Variants in MYH13 observed in about 807,000 individuals in gnomAD.
The protein encoded by MYH13 is myosin heavy chain 13, also known as myosin-13.
MYH13 carries 177 observed loss-of-function variants against 232.1 expected under a neutral mutation model. The observed-to-expected ratio is 0.76, with a 90% CI of 0.67 to 0.86. The LOEUF (loss-of-function observed/expected upper bound fraction) is 0.86, where lower values mean the gene tolerates loss of function less well. Ranked by LOEUF, MYH13 falls within the 40% of genes least tolerant of loss-of-function variation. MYH13 has a pLI of 0.00. For missense variants in MYH13, 2,246 were observed against 2,405.9 expected (o/e 0.93, Z 1.39); for synonymous variants, 884 against 923.5 (o/e 0.96, Z 0.78).
rs1209693480 is a variant in MYH13 at position 10,309,605 on chromosome 17, C to T, written c.4882G>A (p.Glu1628Lys). ...GAGTGGCCCAGCTGAATCTCCATCT[C>T]ATTAAGGTCTCCCTCCATCTTCTTC... Reference protein sequence around the residue: ...LKKKMEGDLNEMEIQLGHSNR... With the variant: ...LKKKMEGDLNKMEIQLGHSNR... The change falls in exon 34 of 41, where the codon GAG becomes AAG. Residue 1628 changes from glutamate to lysine, a missense_variant. Transcript: ENST00000252172. 1.2e-5 allele frequency: 19 copies of T among 1,613,406 alleles called. No homozygotes were observed. The South Asian group carries it at 1.9e-4, about 16-fold the overall frequency.
intron 33 of MYH13, among the ~76,000 whole-genome samples, chr17:10,310,289 C>T (rs1906464854): frequency 6.6e-6 from 1 of 152,008 alleles, no homozygotes; most frequent in African/African-American, 2.4e-5. Context: ...CAGGGTTTCA[C>T]CATGTTGCCT....
intron 22 of MYH13, among the ~76,000 whole-genome samples, chr17:10,327,063 G>A (rs1479629262): frequency 3.5e-5 from 1 of 28,708 alleles, no homozygotes. Flanking sequence ...GTGCAGTGGC[G>A]CGATCTCAGC....
intron 22 of MYH13, among the ~76,000 whole-genome samples, chr17:10,327,293 G>T (rs975892341): frequency 6.6e-6 from 1 of 151,618 alleles, no homozygotes; most frequent in East Asian, 2.0e-4. Flanking sequence ...GAGCCACCGC[G>T]CCCGGCCGCC....
intron 2 of MYH13, among the ~76,000 whole-genome samples, chr17:10,364,791 A>C (rs996108673): frequency 3.3e-5 from 5 of 152,062 alleles, no homozygotes; most frequent in Non-Finnish European, 7.4e-5. Flanking sequence ...GATTTTGGGA[A>C]TATTTTAGTT....
rs781315845 is a variant in MYH13, at chr17:10,364,340, G to T, written c.191C>A (p.Thr64Asn). 5 of 1,613,426 alleles carry T rather than the reference G, an allele frequency of 3.1e-6. No homozygotes were observed. The highest frequency in any genetic ancestry group is 4.2e-6 in the Non-Finnish European group (5 of 1,179,516). ...ATCAACACTCACCCGGTCATCGAGG[G>T]TCTTGACTATGACTTTGTCATTTTC... The part of the protein sequence containing the change: ...TRENDKVIVK[T>N]LDDRMLTLNN... Residue 64 changes from threonine (T) to asparagine (N), a missense_variant, in exon 3 of 41, where the codon ACC (threonine) becomes AAC (asparagine). By Grantham distance (65) the Thr-to-Asn change is moderately conservative. Transcript: ENST00000252172.
chr17:10,308,193 A>G (rs1035212245), intron 35 of MYH13, among the ~76,000 whole-genome samples: 1 of 151,890 alleles, frequency 6.6e-6, no homozygotes, highest in East Asian at 1.9e-4. Flanking sequence ...GTGTGGTGAC[A>G]AGCACCTGTA....
At chr17:10,356,124 G>A (rs888239678) in intron 8 of MYH13, among the ~76,000 whole-genome samples, 12 of 152,086 alleles carry the variant, frequency 7.9e-5, no homozygotes, top group African/African-American at 2.4e-4. Context: ...GCGCAAATTT[G>A]AGGACAAAAA....
In MYH13 at chr17:10,312,004, A is replaced by G. The variant is rs773702019; in HGVS notation, c.4438T>C (p.Ser1480Pro). 1 of 1,613,826 alleles carries G rather than the reference A, an allele frequency of 6.2e-7. No homozygotes were observed. Among genetic ancestry groups the G allele is most frequent in the Non-Finnish European group, 8.5e-7 (1 of 1,179,886 alleles). ...ATCTTGAAGAGTTCAGTGCTGAGTG[A>G]CCTGGACTCCTTCTGAGCAGCTTCC... Reference protein sequence around the residue: ...ELEAAQKESRSLSTELFKMRN... With the variant: ...ELEAAQKESRPLSTELFKMRN... Residue 1480 changes from serine to proline, a missense_variant, in exon 32 of 41, where the codon TCA becomes CCA. By Grantham distance (74) the Ser-to-Pro change is moderately conservative (BLOSUM62 -1). Coordinates refer to ENST00000252172, the MANE Select transcript of MYH13 (RefSeq NM_003802.3).
At chr17:10,319,573 T>C (rs1373753177) in intron 26 of MYH13, among the ~76,000 whole-genome samples, 1 of 151,590 alleles carries the variant, frequency 6.6e-6, no homozygotes, top group Non-Finnish European at 1.5e-5. Context: ...ACAACCTAAG[T>C]GTCCATGGAT....
intron 22 of MYH13, among the ~76,000 whole-genome samples, chr17:10,327,223 G>C (rs1054883484): frequency 3.3e-5 from 5 of 149,508 alleles, no homozygotes; most frequent in Non-Finnish European, 6.0e-5. Flanking sequence ...GGATGGTCTC[G>C]ATCTCCTGAC....
At chr17:10,314,522 C>A (rs62061560) in intron 29 of MYH13, among the ~76,000 whole-genome samples, 8,506 of 152,292 alleles carry the variant, frequency 0.056, 258 homozygotes, top group Non-Finnish European at 0.068. Context: ...TGGCTCTTCT[C>A]AGTACTTGTT....
chr17:10,303,590 GATCCCCT>G, intron 37 of MYH13, 92 bp from the exon 38 acceptor site: 2 of 1,103,874 alleles, frequency 1.8e-6, no homozygotes, highest in Non-Finnish European at 2.7e-6. Flanking sequence ...GTGAACTCAA[GATCCCCT>G]AATGGTCATT....
chr17:10,314,971 C>A, intron 29 of MYH13, among the ~76,000 whole-genome samples: 1 of 152,310 alleles, frequency 6.6e-6, no homozygotes, highest in African/African-American at 2.4e-5. Flanking sequence ...ACCATGGAGC[C>A]TTCTTGGAGG....
intron 22 of MYH13, 70 bp from the exon 23 acceptor site, chr17:10,324,334 C>A (rs1907118568): frequency 1.3e-6 from 2 of 1,575,350 alleles, no homozygotes; most frequent in African/African-American, 1.4e-5. Flanking sequence ...GGGTATCACC[C>A]TCTAAAAGCT....
chr17:10,312,741 T>TCTTTTTC lies in MYH13; in HGVS notation c.4197_4198insGAAAAAG (p.Arg1400GlufsTer73), dbSNP rs1906553745. ...GTGTTCTCCTCTGCTTCCTGGAGCC[T>TCTTTTTC]CTGGGCCAGTTTTTTCCTACGAAAA... On this transcript the variant is annotated frameshift_variant, in exon 31 of 41. Transcript: ENST00000252172. LOFTEE classifies it high-confidence loss of function. 1 of 1,608,096 alleles carries TCTTTTTC rather than the reference T, an allele frequency of 6.2e-7. No homozygotes were observed. Among genetic ancestry groups the TCTTTTTC allele is most frequent in the Non-Finnish European group, 8.5e-7 (1 of 1,178,346 alleles).
At chr17:10,328,656 C>T (rs1011041337) in intron 21 of MYH13, among the ~76,000 whole-genome samples, 1 of 150,948 alleles carries the variant, frequency 6.6e-6, no homozygotes, top group Non-Finnish European at 1.5e-5. Flanking sequence ...ATCTGTCTTC[C>T]CAATTTCTTT....
At chr17:10,322,386 GA>G (rs1842032734) in intron 23 of MYH13, among the ~76,000 whole-genome samples, 1 of 152,134 alleles carries the variant, frequency 6.6e-6, no homozygotes, top group Admixed American at 6.6e-5. Flanking sequence ...GACAGAGCGA[GA>G]CTCCGTCTCA....
In MYH13 at chr17:10,345,392, A is replaced by C; in HGVS notation, c.1414-20T>G. 2 of 1,614,222 alleles carry C rather than the reference A, an allele frequency of 1.2e-6. No individual in the cohort carries two copies. Among genetic ancestry groups the C allele is most frequent in the Non-Finnish European group, 1.7e-6 (2 of 1,180,044 alleles). ...GTTGAACTGGGTGATTCAAATACCA[A>C]AGAATTTGAGTGAGCTTGGAAAATA... is the stretch of plus-strand genomic sequence containing the variant. On this transcript the variant is annotated intron_variant, in intron 14 of 40. Transcript: ENST00000252172.
chr17:10,349,811 T>C (rs2071695750), intron 12 of MYH13, among the ~76,000 whole-genome samples: 1 of 152,132 alleles, frequency 6.6e-6, no homozygotes, highest in South Asian at 2.1e-4. Context: ...CTGCACTTCC[T>C]TTTTATTACT....
Sources: gnomAD v4.1 joint callset for allele counts (sites outside exome capture counted in the v4.1 genomes callset) on GRCh38, gnomAD v4.1.1 for gene constraint, MANE v1.5 for transcripts, NCBI Gene and HGNC (gene_info 2026-07-23, HGNC 2026-07-21) for gene names.